Variants in MYRF observed in about 807,000 individuals in gnomAD.
The protein encoded by MYRF is myelin regulatory factor.
A neutral mutation model predicts 126.3 loss-of-function variants in MYRF; 16 were observed. That is an observed-to-expected ratio of 0.13 (90% CI 0.09 to 0.19). MYRF has a LOEUF of 0.19. MYRF is among the 10% of genes least tolerant of loss of function. The pLI, the probability that MYRF is intolerant of heterozygous loss-of-function variation, is 1.00. For missense variants in MYRF, 1,104 were observed against 1,547.0 expected, an observed-to-expected ratio of 0.71 and a Z score of 4.80; for synonymous variants, 608 against 635.3, an observed-to-expected ratio of 0.96 and a Z score of 0.65.
Position 61,777,302 on chromosome 11 carries a change from G to A in MYRF, c.1629G>A (p.Val543=). ...GCCAGTTCGAGAGCGACAGCGATGT[G>A]TTGTGGCAGCGGGCACAGGTGCCCG... ...NPGQFESDSD[V]LWQRAQVPDT... Residue 543 remains valine, a synonymous_variant, in exon 12 of 27, where the codon GTG becomes GTA. Transcript: ENST00000278836. This position sits in a 1 kb window ranked among gnomAD's most constrained non-coding sequence, Gnocchi z 8.8. The A allele has an allele frequency of 6.2e-7, 1 of 1,613,702 alleles. No individual in the cohort carries two copies. Among genetic ancestry groups the A allele is most frequent in the African/African-American group, 1.3e-5 (1 of 75,064 alleles).
chr11:61,767,076 A>T, intron 3 of MYRF: 2 of 456,714 alleles, frequency 4.4e-6, no homozygotes, highest in Non-Finnish European at 8.8e-6. Flanking sequence ...CAACAAGGGC[A>T]CAGAGGATGC....
intron 1 of MYRF, among the ~76,000 whole-genome samples, chr11:61,763,105 G>A (rs140183696): frequency 3.3e-5 from 5 of 152,228 alleles, no homozygotes; most frequent in Non-Finnish European, 5.9e-5. Context: ...TAGATTCCAA[G>A]TTCAGGCTCA....
At chr11:61,756,493 G>A (rs1360619773) in intron 1 of MYRF, among the ~76,000 whole-genome samples, 1 of 152,022 alleles carries the variant, frequency 6.6e-6, no homozygotes, top group Middle Eastern at 3.2e-3. Flanking sequence ...TGTCCCTGGT[G>A]CACCCAGGGA....
rs889843948 is a variant in MYRF at position 61,783,933 on chromosome 11, C to T, written c.3194+8C>T. The T allele has an allele frequency of 1.6e-5, 26 of 1,595,660 alleles. No homozygotes were observed. Among genetic ancestry groups the T allele is most frequent in the Non-Finnish European group, 2.2e-5 (26 of 1,169,916 alleles). ...CCTGACTCTGCAGATGAAGTGAGTG[C>T]CGGTGTGGGGAAGTGGGAGGCAGGA... is the stretch of plus-strand genomic sequence containing the variant. On this transcript the variant is annotated splice_region_variant and intron_variant, in intron 24 of 26. Transcript: ENST00000278836. This position sits in a 1 kb window ranked among gnomAD's most constrained non-coding sequence, Gnocchi z 4.6.
At chr11:61,756,774 T>A (rs1355022568) in intron 1 of MYRF, among the ~76,000 whole-genome samples, 3 of 152,010 alleles carry the variant, frequency 2.0e-5, no homozygotes, top group African/African-American at 7.3e-5. Flanking sequence ...ACCAACCCTT[T>A]GGCCTCAGGG....
intron 1 of MYRF, among the ~76,000 whole-genome samples, chr11:61,753,783 G>A (rs1171045993): frequency 6.6e-6 from 1 of 152,024 alleles, no homozygotes; most frequent in Admixed American, 6.5e-5. Context: ...TTTCCTGGAC[G>A]ACCCCTGCCC....
At chr11:61,772,695 A>T (rs1249919490) in intron 7 of MYRF, among the ~76,000 whole-genome samples, 1 of 152,192 alleles carries the variant, frequency 6.6e-6, no homozygotes, top group Non-Finnish European at 1.5e-5. Context: ...TCTTACTGCC[A>T]TACTCTTTGG....
Position 61,766,226 on chromosome 11 carries a change from G to A in MYRF, c.398+5G>A. ...CAAGGCTCCCTATGCCCCAGGGTGAGTAAGGGCAGGGAGTAGGGGGATACA... is the reference window on the plus strand; with the variant it reads ...CAAGGCTCCCTATGCCCCAGGGTGAATAAGGGCAGGGAGTAGGGGGATACA... On this transcript the variant is annotated splice_donor_5th_base_variant and intron_variant, in intron 3 of 26. Coordinates refer to ENST00000278836, the MANE Select transcript of MYRF (RefSeq NM_001127392.3). 6.2e-7 allele frequency: 1 copy of A among 1,602,464 alleles called. No homozygotes were observed.
chr11:61,770,134 C>T (rs765093210), intron 4 of MYRF, 112 bp from the exon 5 acceptor site: 98 of 1,131,748 alleles, frequency 8.7e-5, no homozygotes, highest in East Asian at 3.1e-4. Context: ...GGGCAGCCCC[C>T]GGGCTTGGCT....
At chr11:61,780,087 C>T in intron 17 of MYRF, 135 bp from the exon 18 acceptor site, 10 of 1,244,218 alleles carry the variant, frequency 8.0e-6, no homozygotes, top group Non-Finnish European at 1.2e-5. Flanking sequence ...TCTGCCTCTT[C>T]CCCTCTGGGG....
Position 61,776,145 on chromosome 11 carries a change from C to T in MYRF, c.1388+13C>T. 1.9e-6 allele frequency: 3 copies of T among 1,613,886 alleles called. No individual in the cohort carries two copies. Among genetic ancestry groups the T allele is most frequent in the Non-Finnish European group, 2.5e-6 (3 of 1,179,816 alleles). On this transcript the variant is annotated intron_variant, in intron 9 of 26. Transcript: ENST00000278836. This position sits in a 1 kb window ranked among gnomAD's most constrained non-coding sequence, Gnocchi z 4.3. ...TCAACCCGGTCACGTGAGTGTCTGA[C>T]CCTGTTGGGGGTGGTACCTAGAAGG... is the stretch of plus-strand genomic sequence containing the variant.
chr11:61,770,710 T>A (rs1029896474), intron 5 of MYRF, among the ~76,000 whole-genome samples, 185 bp downstream of exon 5: 1 of 151,968 alleles, frequency 6.6e-6, no homozygotes, highest in Admixed American at 6.6e-5. Flanking sequence ...CCTTGAGGGG[T>A]TTACAGCCAT....
At chr11:61,755,690 C>A in intron 1 of MYRF, 1 of 696,586 alleles carries the variant, frequency 1.4e-6, no homozygotes, top group African/African-American at 1.8e-5. Context: ...AAGCTCACTG[C>A]CCAGCCCTGG....
chr11:61,769,029 T>TA (rs1464473741), intron 3 of MYRF, among the ~76,000 whole-genome samples: 1 of 152,186 alleles, frequency 6.6e-6, no homozygotes, highest in African/African-American at 2.4e-5. Flanking sequence ...CCAAGTGCCC[T>TA]GTAGGTCTGA....
At chr11:61,779,803 G>GA (rs751466991) in intron 16 of MYRF, 39 bp from the exon 17 acceptor site, 1 of 1,589,098 alleles carries the variant, frequency 6.3e-7, no homozygotes, top group South Asian at 1.1e-5. Context: ...GCCTCAGCCT[G>GA]GCCCTCTTTG....
chr11:61,774,725 G>A (rs1411777994), intron 8 of MYRF, among the ~76,000 whole-genome samples: 1 of 150,028 alleles, frequency 6.7e-6, no homozygotes, highest in East Asian at 2.0e-4. Flanking sequence ...CTTTCGCCCT[G>A]TGCCTGCCCC....
chr11:61,781,636 T>G lies in MYRF; in HGVS notation c.2828T>G (p.Val943Gly). 6.2e-7 allele frequency: 1 copy of G among 1,613,820 alleles called. No individual in the cohort carries two copies. The highest frequency in any genetic ancestry group is 1.3e-5 in the African/African-American group (1 of 75,066). Residue 943 changes from valine to glycine, a missense_variant, in exon 22 of 27, where the codon GTC becomes GGC. By Grantham distance (109) the Val-to-Gly change is moderately radical. This residue lies in a region of MYRF where 323 missense variants were observed against 383.1 expected (regional missense o/e 0.84). Transcript: ENST00000278836. ...NIRAKSWGLSVNGIGHSKHHK... is the reference protein window; with the variant it reads ...NIRAKSWGLSGNGIGHSKHHK... ...AGAGCCAAGTCCTGGGGTCTTTCAG[T>G]CAATGGCATTGGCCACTCCAAGCAT...
At chr11:61,782,535 T>G (rs1199748195) in intron 22 of MYRF, 1 of 152,244 alleles carries the variant, frequency 6.6e-6, no homozygotes, top group Admixed American at 6.5e-5. Context: ...TACAGGGGAC[T>G]GGGGGTGATG....
Position 61,776,982 on chromosome 11 carries a change from C to T in MYRF, c.1590+105C>T. On this transcript the variant is annotated intron_variant, in intron 11 of 26. Transcript: ENST00000278836. The surrounding 1 kb of genome is among the most constrained non-coding windows in gnomAD (Gnocchi z 4.3). ...GAGAGTCAGGAGTGGGCATGCTCAT[C>T]CTGCTAGGCACTGGCTGTGTGGCCT... 4 of 1,024,670 alleles carry T rather than the reference C, an allele frequency of 3.9e-6. No individual in the cohort carries two copies. Among genetic ancestry groups the T allele is most frequent in the Non-Finnish European group, 5.7e-6 (4 of 707,010 alleles). 63.5% of individuals were successfully genotyped at this position (1,024,670 alleles called of 1,614,324 possible).
Sources: gnomAD v4.1 joint callset for allele counts (sites outside exome capture counted in the v4.1 genomes callset) on GRCh38, gnomAD v4.1.1 for gene constraint, gnomAD v4.1.1 regional missense constraint, Gnocchi (gnomAD v3.1) non-coding constraint, MANE v1.5 for transcripts, NCBI Gene and HGNC (gene_info 2026-07-23, HGNC 2026-07-21) for gene names.